SH3RF1: variants seen among roughly 807,000 people sequenced by gnomAD.
SH3RF1 encodes the protein E3 ubiquitin-protein ligase SH3RF1.
SH3RF1 carries 32 observed loss-of-function variants against 74.0 expected under a neutral mutation model. That is an observed-to-expected ratio of 0.43 (90% CI 0.33 to 0.58). The LOEUF (loss-of-function observed/expected upper bound fraction) is 0.58. Among genes scored for constraint, SH3RF1 ranks in the 20% least tolerant of loss-of-function variants. The probability of loss-of-function intolerance (pLI) is 0.05; values close to 1 mark genes in which losing one functional copy is unlikely to be tolerated. For missense variants in SH3RF1, 954 were observed against 1,130.9 expected (o/e 0.84, Z 2.24); for synonymous variants, 396 against 439.6 (o/e 0.90, Z 1.24).
chr4:169,124,914 A>C (rs376892090), intron 6 of SH3RF1, among the ~76,000 whole-genome samples: 1 of 152,170 alleles, frequency 6.6e-6, no homozygotes, highest in South Asian at 2.1e-4. Context: ...ATTCACCCGG[A>C]GGTGACCTGG....
intron 4 of SH3RF1, among the ~76,000 whole-genome samples, chr4:169,151,489 A>G (rs1248701882): frequency 6.6e-6 from 1 of 152,248 alleles, no homozygotes; most frequent in East Asian, 1.9e-4. Flanking sequence ...ATCTGGCTCC[A>G]GAGTCCAAGC....
At chr4:169,195,748 T>C (rs1158200499) in intron 2 of SH3RF1, among the ~76,000 whole-genome samples, 1 of 152,220 alleles carries the variant, frequency 6.6e-6, no homozygotes, top group Non-Finnish European at 1.5e-5. Context: ...TTGGTTATAA[T>C]AATGTGCAGT....
chr4:169,168,442 A>T (rs1031037125), intron 2 of SH3RF1, among the ~76,000 whole-genome samples: 3 of 152,232 alleles, frequency 2.0e-5, no homozygotes, highest in Non-Finnish European at 4.4e-5. Context: ...AGAGATAAAG[A>T]TGATAAAAGT....
chr4:169,125,378 G>C (rs1447044975), intron 6 of SH3RF1, among the ~76,000 whole-genome samples: 1 of 152,138 alleles, frequency 6.6e-6, no homozygotes, highest in Non-Finnish European at 1.5e-5. Context: ...AAGTATATGG[G>C]TGTGAAACTT....
chr4:169,265,761 C>A (rs1185971428), intron 2 of SH3RF1, among the ~76,000 whole-genome samples: 2 of 152,196 alleles, frequency 1.3e-5, no homozygotes, highest in African/African-American at 4.8e-5. Flanking sequence ...TAGGCGTGAG[C>A]CACCACACCT....
chr4:169,226,633 C>A (rs1215998674), intron 2 of SH3RF1, among the ~76,000 whole-genome samples: 1 of 152,158 alleles, frequency 6.6e-6, no homozygotes, highest in East Asian at 1.9e-4. Context: ...CAGCAAATGA[C>A]TTTAGGTCAG....
At chr4:169,152,328 G>A (rs1200665588) in intron 4 of SH3RF1, among the ~76,000 whole-genome samples, 4 of 152,134 alleles carry the variant, frequency 2.6e-5, no homozygotes, top group Non-Finnish European at 5.9e-5. Flanking sequence ...AAAGAATCCA[G>A]GGCCATTTAT....
rs954645129 is a variant in SH3RF1, at chr4:169,095,580, TG to T, written c.*938del. The T allele has an allele frequency of 2.6e-5, 4 of 152,630 alleles. No individual in the cohort carries two copies. Among genetic ancestry groups the T allele is most frequent in the Admixed American group, 6.5e-5 (1 of 15,278 alleles). The allele number at this position is 152,630 out of a possible 1,614,324, so 9.5% of individuals were successfully genotyped here. ...TCACTTACCACCACTATCTCACAAA[TG>T]TTTTACTTGTGTCCTGGGCATGCAG... On this transcript the variant is annotated 3_prime_UTR_variant, in exon 12 of 12. Transcript: ENST00000284637.
chr4:169,196,070 C>T (rs1049330131), intron 2 of SH3RF1, among the ~76,000 whole-genome samples: 2 of 152,136 alleles, frequency 1.3e-5, no homozygotes, highest in Admixed American at 6.5e-5. Context: ...CACCTTTGGC[C>T]TCCCAAAGTG....
intron 4 of SH3RF1, among the ~76,000 whole-genome samples, chr4:169,146,789 T>C (rs1733902297): frequency 6.6e-6 from 1 of 152,070 alleles, no homozygotes; most frequent in Non-Finnish European, 1.5e-5. Context: ...AATAGGCTTT[T>C]GGGGAGCGTA....
chr4:169,254,657 C>A (rs575717399), intron 2 of SH3RF1, among the ~76,000 whole-genome samples: 1 of 152,096 alleles, frequency 6.6e-6, no homozygotes, highest in South Asian at 2.1e-4. Context: ...GAACCAGCAA[C>A]GTAGTGAGTT....
chr4:169,144,856 T>C (rs1733847114), intron 4 of SH3RF1, among the ~76,000 whole-genome samples: 1 of 152,102 alleles, frequency 6.6e-6, no homozygotes, highest in South Asian at 2.1e-4. Flanking sequence ...ATAAAAGTCA[T>C]GGGGATCGTA....
At chr4:169,195,579 C>A (rs981446178) in intron 2 of SH3RF1, among the ~76,000 whole-genome samples, 2 of 152,146 alleles carry the variant, frequency 1.3e-5, no homozygotes, top group Admixed American at 1.3e-4. Context: ...AAATCTCGTA[C>A]CATATCCTTT....
intron 4 of SH3RF1, among the ~76,000 whole-genome samples, chr4:169,141,462 TG>T (rs986472057): frequency 1.3e-5 from 2 of 152,204 alleles, no homozygotes; most frequent in African/African-American, 4.8e-5. Flanking sequence ...TAGATCAAAG[TG>T]TAAGTTTAAA....
At chr4:169,207,125 C>A (rs1375568613) in intron 2 of SH3RF1, among the ~76,000 whole-genome samples, 1 of 152,012 alleles carries the variant, frequency 6.6e-6, no homozygotes, top group Non-Finnish European at 1.5e-5. Context: ...GCCTGGCTAA[C>A]TTTTTTCTCT....
chr4:169,242,127 T>A (rs911366850), intron 2 of SH3RF1, among the ~76,000 whole-genome samples: 179 of 151,328 alleles, frequency 1.2e-3, no homozygotes, highest in Non-Finnish European at 1.8e-3. Context: ...CAATTTAAAT[T>A]TTTTTTTTTG....
chr4:169,106,339 G>A (rs959661821), intron 11 of SH3RF1, among the ~76,000 whole-genome samples: 4 of 151,874 alleles, frequency 2.6e-5, no homozygotes, highest in Admixed American at 2.0e-4. Context: ...ATGAGCCACC[G>A]TGCCTGGCCA....
chr4:169,094,597 TA>T lies in SH3RF1; in HGVS notation c.*1921del, dbSNP rs1261374898. 6.6e-6 allele frequency: 1 copy of T among 152,230 alleles called. No homozygotes were observed. Among genetic ancestry groups the T allele is most frequent in the East Asian group, 1.9e-4 (1 of 5,194 alleles). The allele number at this position is 152,230 out of a possible 1,614,324, so 9.4% of individuals were successfully genotyped here. A position where few individuals can be genotyped will look rare whatever the true frequency, so the allele number is the denominator to read the frequency against. ...TTTTCTTTTTAAAATTTTTATAAAATACACTAATTTCCCAAAATAAAGAATA... is the reference window on the plus strand; with the variant it reads ...TTTTCTTTTTAAAATTTTTATAAAATCACTAATTTCCCAAAATAAAGAATA... On this transcript the variant is annotated 3_prime_UTR_variant, in exon 12 of 12. Transcript: ENST00000284637.
At chr4:169,133,579 A>C (rs1024744795) in intron 5 of SH3RF1, among the ~76,000 whole-genome samples, 2 of 151,944 alleles carry the variant, frequency 1.3e-5, no homozygotes, top group African/African-American at 4.8e-5. Flanking sequence ...GGAGTTCGAG[A>C]CCAGCCTGGC....
Sources: gnomAD v4.1 joint callset for allele counts (sites outside exome capture counted in the v4.1 genomes callset) on GRCh38, gnomAD v4.1.1 for gene constraint, MANE v1.5 for transcripts, NCBI Gene and HGNC (gene_info 2026-07-23, HGNC 2026-07-21) for gene names.